COL22A1: variants seen among roughly 807,000 people sequenced by gnomAD.
The protein encoded by COL22A1 is collagen alpha-1(XXII) chain.
Under a neutral mutation model 248.9 loss-of-function variants are expected in COL22A1, and 221 were observed. The ratio of observed to expected loss-of-function variants is 0.89; its 90% CI spans 0.80 to 0.99. The LOEUF is 0.99. Ranked by LOEUF, COL22A1 falls within the 50% of genes least tolerant of loss-of-function variation. COL22A1 has a pLI of 0.00. For synonymous variants in COL22A1, 891 were observed against 793.4 expected, an observed-to-expected ratio of 1.12 and a Z score of -2.07; for missense variants, 2,240 against 2,179.0, an observed-to-expected ratio of 1.03 and a Z score of -0.56.
intron 9 of COL22A1, among the ~76,000 whole-genome samples, chr8:138,809,145 G>A (rs1005691668): frequency 1.3e-5 from 2 of 151,884 alleles, no homozygotes; most frequent in Admixed American, 6.6e-5. Flanking sequence ...AAGTTCTTCC[G>A]CTCCACGGGG....
At chr8:138,750,169 T>C (rs1290804122) in intron 22 of COL22A1, among the ~76,000 whole-genome samples, 1 of 152,196 alleles carries the variant, frequency 6.6e-6, no homozygotes, top group African/African-American at 2.4e-5. Flanking sequence ...TCCGCAGCCA[T>C]GTGGAACTGT....
chr8:138,823,659 G>A lies in COL22A1; in HGVS notation c.970-2248C>T, dbSNP rs531455717. Among the ~76,000 whole-genome samples, 10 of 152,354 alleles carry A rather than the reference G, an allele frequency of 6.6e-5. No homozygotes were observed. In the South Asian group the frequency reaches 2.1e-3, roughly 32 times the overall value. The stretch of plus-strand genomic sequence containing the variant: ...GACCTCAGGTGATTTGCCTGCCTTG[G>A]CCTCTCACAGTGCTGGGATTACAGG... On this transcript the variant is annotated intron_variant, in intron 6 of 64. Coordinates refer to ENST00000303045, the MANE Select transcript of COL22A1 (RefSeq NM_152888.3).
At chr8:138,766,899 C>A (rs1304231718) in intron 16 of COL22A1, among the ~76,000 whole-genome samples, 1 of 152,234 alleles carries the variant, frequency 6.6e-6, no homozygotes, top group Non-Finnish European at 1.5e-5. Flanking sequence ...GGTTTGCCAG[C>A]TTTGCTAGCA....
At chr8:138,796,957 T>C in intron 11 of COL22A1, 100 bp from the exon 12 acceptor site, 1 of 848,156 alleles carries the variant, frequency 1.2e-6, no homozygotes, top group South Asian at 1.4e-5. Flanking sequence ...GATTAGATAT[T>C]TTCTCATCAG....
intron 5 of COL22A1, among the ~76,000 whole-genome samples, chr8:138,829,602 C>G (rs1403943774): frequency 6.6e-6 from 1 of 151,790 alleles, no homozygotes; most frequent in African/African-American, 2.4e-5. Flanking sequence ...AGGGTTTCAG[C>G]TAATTTTTTG....
intron 43 of COL22A1, among the ~76,000 whole-genome samples, 169 bp downstream of exon 43, chr8:138,661,861 T>C (rs142046045): frequency 2.0e-5 from 3 of 152,218 alleles, no homozygotes; most frequent in Non-Finnish European, 4.4e-5. Context: ...TGAACCACAC[T>C]CAACAGAAGA....
At chr8:138,715,596 A>T in intron 30 of COL22A1, 86 bp downstream of exon 30, 1 of 727,290 alleles carries the variant, frequency 1.4e-6, no homozygotes, top group Non-Finnish European at 2.3e-6. Context: ...AAAAAAAGAT[A>T]GAGTATATTC....
At chr8:138,708,959 C>G (rs1382751504) in intron 30 of COL22A1, among the ~76,000 whole-genome samples, 1 of 152,076 alleles carries the variant, frequency 6.6e-6, no homozygotes, top group Non-Finnish European at 1.5e-5. Flanking sequence ...TCAAAAAACC[C>G]CATCAAAAAT....
chr8:138,871,641 T>A (rs1823351123), intron 3 of COL22A1, among the ~76,000 whole-genome samples: 1 of 152,194 alleles, frequency 6.6e-6, no homozygotes, highest in Non-Finnish European at 1.5e-5. Flanking sequence ...GTAACTCTCA[T>A]GCTTCAGAAC....
At chr8:138,812,622 G>T (rs1414405910) in intron 8 of COL22A1, among the ~76,000 whole-genome samples, 1 of 152,084 alleles carries the variant, frequency 6.6e-6, no homozygotes, top group Non-Finnish European at 1.5e-5. Flanking sequence ...TCCTCTGGGC[G>T]CTGGTGGCAC....
At chr8:138,684,320 A>G in intron 39 of COL22A1, 105 bp downstream of exon 39, 2 of 804,070 alleles carry the variant, frequency 2.5e-6, no homozygotes, top group Non-Finnish European at 4.5e-6. Context: ...GCTGAGAAAC[A>G]TGGAAGTGGA....
At position 138,613,900 on chromosome 8, in the gene COL22A1, C is replaced by T; in HGVS notation, c.3945G>A (p.Gly1315=). The part of the protein sequence containing the change: ...PGKDGDTGPT[G]PQGPQGPRGP... ...CCCTTGGTCCTTGGGGACCCTGTGG[C>T]CCAGTGGGTCCAGTGTCACCCTGGA... The change falls in exon 56 of 65, where the codon GGG becomes GGA. Residue 1315 remains glycine, a synonymous_variant. Transcript: ENST00000303045. 1 of 1,613,534 alleles carries T rather than the reference C, an allele frequency of 6.2e-7. No homozygotes were observed. The highest frequency in any genetic ancestry group is 1.1e-5 in the South Asian group (1 of 91,066).
At chr8:138,671,159 C>T (rs1303283402) in intron 41 of COL22A1, among the ~76,000 whole-genome samples, 2 of 151,750 alleles carry the variant, frequency 1.3e-5, no homozygotes, top group Non-Finnish European at 2.9e-5. Flanking sequence ...GCCAAATGAC[C>T]CAGTGGCCTA....
At chr8:138,673,047 A>G (rs1825173886) in intron 41 of COL22A1, among the ~76,000 whole-genome samples, 1 of 152,096 alleles carries the variant, frequency 6.6e-6, no homozygotes, top group Non-Finnish European at 1.5e-5. Context: ...CAAAACCCCA[A>G]ACAATGGCCT....
At chr8:138,707,787 G>A (rs553678804) in intron 30 of COL22A1, among the ~76,000 whole-genome samples, 3 of 152,288 alleles carry the variant, frequency 2.0e-5, no homozygotes, top group Non-Finnish European at 4.4e-5. Flanking sequence ...TCTGGCCAGT[G>A]CGATCAGGCA....
At chr8:138,767,710 C>T (rs984054420) in intron 16 of COL22A1, among the ~76,000 whole-genome samples, 6 of 152,196 alleles carry the variant, frequency 3.9e-5, no homozygotes, top group South Asian at 2.1e-4. Context: ...GTGCACCGCC[C>T]GGTCTCCATC....
At position 138,667,323 on chromosome 8, in the gene COL22A1, C is replaced by CA. The variant is rs1260492374; in HGVS notation, c.3151-3584dup. On this transcript the variant is annotated intron_variant, in intron 41 of 64. Transcript: ENST00000303045. ...AGAAATGACTGATCAGAGACCTGGA[C>CA]AAAAAATGTACACGACAAACCTAGA... 5.3e-5 allele frequency among the ~76,000 whole-genome samples: 8 copies of CA among 152,142 alleles called. No homozygotes were observed. The East Asian group carries it at 7.7e-4, about 15-fold the overall frequency.
chr8:138,709,575 G>T (rs1402943521), intron 30 of COL22A1, among the ~76,000 whole-genome samples: 1 of 147,078 alleles, frequency 6.8e-6, no homozygotes, highest in African/African-American at 2.5e-5. Context: ...CTCATAGGTG[G>T]GAATTGAACA....
chr8:138,694,186 C>A (rs753491897), intron 34 of COL22A1, among the ~76,000 whole-genome samples: 1 of 152,226 alleles, frequency 6.6e-6, no homozygotes, highest in Non-Finnish European at 1.5e-5. Flanking sequence ...CAAGGTGCCC[C>A]CTATGTGCAG....
Sources: gnomAD v4.1 joint callset for allele counts (sites outside exome capture counted in the v4.1 genomes callset) on GRCh38, gnomAD v4.1.1 for gene constraint, MANE v1.5 for transcripts, NCBI Gene and HGNC (gene_info 2026-07-23, HGNC 2026-07-21) for gene names.